Variants in POLR1B observed in about 807,000 individuals in gnomAD.
POLR1B encodes the protein DNA-directed RNA polymerase I subunit RPA2.
In POLR1B, 30 loss-of-function variants were observed where a neutral mutation model predicts 105.8. The ratio of observed to expected loss-of-function variants is 0.28; its 90% CI spans 0.21 to 0.38. The LOEUF (loss-of-function observed/expected upper bound fraction) is 0.38. Among genes scored for constraint, POLR1B ranks in the 10% least tolerant of loss-of-function variants. The pLI is 1.00. For synonymous variants in POLR1B, 485 were observed against 505.1 expected (o/e 0.96, Z 0.53); for missense variants, 976 against 1,435.8 (o/e 0.68, Z 5.17).
chr2:112,556,023 G>A (rs1683640342), intron 7 of POLR1B, among the ~76,000 whole-genome samples: 1 of 152,004 alleles, frequency 6.6e-6, no homozygotes, highest in African/African-American at 2.4e-5. Flanking sequence ...AGTAGACATA[G>A]TTATGAAAAA....
At chr2:112,546,208 AG>A (rs1160332258) in intron 1 of POLR1B, among the ~76,000 whole-genome samples, 1 of 152,270 alleles carries the variant, frequency 6.6e-6, no homozygotes, top group East Asian at 1.9e-4. Flanking sequence ...CTTCTGTGGA[AG>A]GGGAAACCCA....
chr2:112,559,850 T>C (rs13015600), intron 9 of POLR1B, among the ~76,000 whole-genome samples: 39,837 of 151,860 alleles, frequency 0.26, 5,718 homozygotes, highest in African/African-American at 0.37. Flanking sequence ...CAGGATGGTC[T>C]CGATCTCCTG....
chr2:112,573,556 T>G lies in POLR1B; in HGVS notation c.2272-6T>G, dbSNP rs377302465. 6.2e-7 allele frequency: 1 copy of G among 1,607,850 alleles called. No homozygotes were observed. The highest frequency in any genetic ancestry group is 1.3e-5 in the African/African-American group (1 of 74,502). On this transcript the variant is annotated splice_polypyrimidine_tract_variant and splice_region_variant and intron_variant, in intron 13 of 14. Coordinates refer to ENST00000263331, the MANE Select transcript of POLR1B (RefSeq NM_019014.6). The stretch of plus-strand genomic sequence containing the variant: ...TCAGTCTTTTAACGATTCTTTTACT[T>G]CACAGATTGTGAATAAGGCCTCTTG...
intron 9 of POLR1B, 134 bp from the exon 10 acceptor site, chr2:112,564,232 G>T (rs1684161122): frequency 1.9e-6 from 2 of 1,049,470 alleles, no homozygotes; most frequent in Middle Eastern, 6.5e-4. Context: ...AAGAAATAAT[G>T]CCTGTACCTG....
At chr2:112,573,878 AGT>A (rs1228772025) in intron 14 of POLR1B, 63 bp downstream of exon 14, 1 of 1,564,726 alleles carries the variant, frequency 6.4e-7, no homozygotes, top group African/African-American at 1.4e-5. Context: ...ACAGGGTCTC[AGT>A]GTGTCAGCCG....
rs761376580 is a variant in POLR1B at position 112,559,390 on chromosome 2, T to C, written c.1428T>C (p.Ala476=). ...ATTTCCGCTGCGTGCACAGAGGGGC[T>C]GATTTTGCCAAGATGAGGACCACCA... ...LSHFRCVHRG[A]DFAKMRTTTV... The change falls in exon 9 of 15, where the codon GCT becomes GCC. Residue 476 remains alanine (A), a synonymous_variant. Coordinates refer to ENST00000263331, the MANE Select transcript of POLR1B (RefSeq NM_019014.6). 66 of 1,614,074 alleles carry C rather than the reference T, an allele frequency of 4.1e-5. 2 individuals are homozygous for C. The South Asian group carries it at 6.9e-4, about 17-fold the overall frequency.
At chr2:112,574,738 A>G (rs1684779661) in intron 14 of POLR1B, 109 bp from the exon 15 acceptor site, 3 of 1,023,512 alleles carry the variant, frequency 2.9e-6, no homozygotes, top group Admixed American at 2.7e-5. Flanking sequence ...AAAAAAAAAA[A>G]AAAAAAAGTT....
At chr2:112,550,748 T>A in intron 4 of POLR1B, 118 bp from the exon 5 acceptor site, 1 of 1,082,480 alleles carries the variant, frequency 9.2e-7, no homozygotes, top group South Asian at 1.6e-5. Flanking sequence ...CAGTCTTGGC[T>A]AAACTTAGTG....
At position 112,568,083 on chromosome 2, in the gene POLR1B, G is replaced by A. The variant is rs976135528; in HGVS notation, c.1863G>A (p.Arg621=). The change falls in exon 11 of 15, where the codon CGG becomes CGA. Residue 621 remains arginine (R), a synonymous_variant. Transcript: ENST00000263331. ...TTACCACTCCTTGTAGACTGGTACG[G>A]CCTGTGCAGAACTTAGCATTGGGCA... The part of the protein sequence containing the change: ...FLFTTPCRLV[R]PVQNLALGKE... 6.2e-7 allele frequency: 1 copy of A among 1,614,138 alleles called. No individual in the cohort carries two copies. Among genetic ancestry groups the A allele is most frequent in the Non-Finnish European group, 8.5e-7 (1 of 1,179,992 alleles).
Position 112,573,744 on chromosome 2 carries a change from A to G in POLR1B, c.2454A>G (p.Lys818=), listed in dbSNP as rs2104579697. The part of the protein sequence containing the change: ...DDDGLPFIGA[K]LQYGDPYYSY... Reference sequence around the variant, plus strand: ...ATGGATTGCCGTTTATAGGAGCAAAACTGCAGTACGGAGATCCGTATTACA... The same window carrying G: ...ATGGATTGCCGTTTATAGGAGCAAAGCTGCAGTACGGAGATCCGTATTACA... Residue 818 remains lysine (K), a synonymous_variant, in exon 14 of 15, where the codon AAA becomes AAG. Transcript: ENST00000263331. 6.2e-7 allele frequency: 1 copy of G among 1,614,170 alleles called. No individual in the cohort carries two copies. The highest frequency in any genetic ancestry group is 2.2e-5 in the East Asian group (1 of 44,872).
At position 112,578,791 on chromosome 2, in the gene POLR1B, TTTAA is replaced by T. The variant is rs750229280; in HGVS notation, c.*3067_*3070del. On this transcript the variant is annotated 3_prime_UTR_variant, in exon 15 of 15. Coordinates refer to ENST00000263331, the MANE Select transcript of POLR1B (RefSeq NM_019014.6). ...TTTCTATACATACATACCTTTGATG[TTTAA>T]TTAAGCACTGCAAGAAACTGACAGC... 6.6e-5 allele frequency among the ~76,000 whole-genome samples: 10 copies of T among 152,212 alleles called. No homozygotes were observed. Among genetic ancestry groups the T allele is most frequent in the South Asian group, 2.1e-4 (1 of 4,828 alleles).
At chr2:112,567,301 G>T (rs926163792) in intron 10 of POLR1B, among the ~76,000 whole-genome samples, 1 of 151,844 alleles carries the variant, frequency 6.6e-6, no homozygotes, top group Admixed American at 6.6e-5. Flanking sequence ...TGGGTTTGTT[G>T]TTGTTGTTGT....
intron 9 of POLR1B, among the ~76,000 whole-genome samples, chr2:112,560,304 T>A (rs1308578614): frequency 6.6e-6 from 1 of 152,126 alleles, no homozygotes; most frequent in Non-Finnish European, 1.5e-5. Flanking sequence ...TAGTCATTAA[T>A]ATTGGAAGTA....
intron 1 of POLR1B, chr2:112,542,914 G>A (rs1356170942): frequency 3.3e-6 from 2 of 597,348 alleles, no homozygotes; most frequent in Non-Finnish European, 5.9e-6. Flanking sequence ...CCGTAGTTTG[G>A]ACAGTTTCGG....
At chr2:112,542,459 T>C (rs548045895), upstream of POLR1B, 5 of 1,447,266 alleles carry the variant, frequency 3.5e-6, no homozygotes, top group Non-Finnish European at 4.7e-6. Flanking sequence ...GTCCGGCGTG[T>C]ACCGAGAGAC....
At chr2:112,570,554 T>C (rs915292878) in intron 12 of POLR1B, among the ~76,000 whole-genome samples, 1 of 152,230 alleles carries the variant, frequency 6.6e-6, no homozygotes, top group South Asian at 2.1e-4. Flanking sequence ...GTATATGGTA[T>C]AGCCTGTTGC....
intron 9 of POLR1B, among the ~76,000 whole-genome samples, chr2:112,560,910 A>C (rs1023392790): frequency 3.3e-5 from 5 of 152,070 alleles, no homozygotes; most frequent in Non-Finnish European, 5.9e-5. Flanking sequence ...TACACACACA[A>C]AAAAATTAGC....
In POLR1B at chr2:112,575,877, G is replaced by A; in HGVS notation, c.*148G>A. ...CAAGACCTGAAAACCAAGTATGCAA[G>A]GTTTCTGAATCTCTCTGGTAGATTA... On this transcript the variant is annotated 3_prime_UTR_variant, in exon 15 of 15. Transcript: ENST00000263331. The surrounding 1 kb of genome is among the most constrained non-coding windows in gnomAD (Gnocchi z 5.3). 1.3e-6 allele frequency: 1 copy of A among 765,142 alleles called. No homozygotes were observed. The highest frequency in any genetic ancestry group is 2.6e-5 in the East Asian group (1 of 37,754). The allele number at this position is 765,142 out of a possible 1,614,324, so 47.4% of individuals were successfully genotyped here. A position where few individuals can be genotyped will look rare whatever the true frequency, so the allele number is the denominator to read the frequency against.
Position 112,579,164 on chromosome 2 carries a change from C to A in POLR1B, c.*3435C>A, listed in dbSNP as rs944103448. On this transcript the variant is annotated 3_prime_UTR_variant, in exon 15 of 15. Coordinates refer to ENST00000263331, the MANE Select transcript of POLR1B (RefSeq NM_019014.6). ...CAGAGGTTGCAGTGAGCCAAGATCA[C>A]GCCACTGCACAGCAACCTGGGCAAC... 7.8e-6 allele frequency among the ~76,000 whole-genome samples: 1 copy of A among 128,350 alleles called. No homozygotes were observed. The highest frequency in any genetic ancestry group is 3.0e-5 in the African/African-American group (1 of 33,890). The allele number at this position is 128,350 out of a possible 152,430, so 84.2% of individuals were successfully genotyped here.
Sources: gnomAD v4.1 joint callset for allele counts (sites outside exome capture counted in the v4.1 genomes callset) on GRCh38, gnomAD v4.1.1 for gene constraint, Gnocchi (gnomAD v3.1) non-coding constraint, MANE v1.5 for transcripts, NCBI Gene and HGNC (gene_info 2026-07-23, HGNC 2026-07-21) for gene names.